Variants in LPP observed in about 807,000 individuals in gnomAD.
The protein encoded by LPP is LIM domain containing preferred translocation partner in lipoma, also known as lipoma-preferred partner.
In LPP, 38 loss-of-function variants were observed where a neutral mutation model predicts 60.4. The observed-to-expected ratio is 0.63, with a 90% CI of 0.49 to 0.83. LPP has a LOEUF of 0.83. LPP is among the 40% of genes least tolerant of loss of function. The pLI is 0.00. For synonymous variants in LPP, 328 were observed against 290.8 expected (o/e 1.13, Z -1.30); for missense variants, 902 against 783.6 (o/e 1.15, Z -1.80).
chr3:188,363,677 C>T (rs528694463), intron 3 of LPP, among the ~76,000 whole-genome samples: 14 of 152,102 alleles, frequency 9.2e-5, no homozygotes, highest in South Asian at 6.2e-4. Context: ...GAGGCCAAGG[C>T]GGGCAGATCA....
At chr3:188,499,458 G>T (rs970365722) in intron 5 of LPP, among the ~76,000 whole-genome samples, 1 of 152,066 alleles carries the variant, frequency 6.6e-6, no homozygotes, top group Admixed American at 6.5e-5. Flanking sequence ...TTTATTTCTG[G>T]ACTGTCTCTT....
rs2149803087 is a variant in LPP, at chr3:188,272,266, C to T, written c.-67+46739C>T. 3.9e-5 allele frequency among the ~76,000 whole-genome samples: 6 copies of T among 152,300 alleles called. No homozygotes were observed. In the Middle Eastern group the frequency reaches 0.017, roughly 432 times the overall value. On this transcript the variant is annotated intron_variant, in intron 2 of 11. Coordinates refer to ENST00000617246, the MANE Select transcript of LPP (RefSeq NM_001375462.1). ...TTAAAAGCATGAATTTAATATATTT[C>T]CAGATTGTCTGTTTATGTTTCCTAT...
intron 9 of LPP, among the ~76,000 whole-genome samples, chr3:188,833,448 G>C (rs1027161821): frequency 1.3e-5 from 2 of 152,180 alleles, no homozygotes; most frequent in Non-Finnish European, 2.9e-5. Flanking sequence ...CCTTTCTGCA[G>C]GTGGAGCGTT....
At chr3:188,869,992 C>G (rs1326675477) in intron 10 of LPP, among the ~76,000 whole-genome samples, 1 of 152,148 alleles carries the variant, frequency 6.6e-6, no homozygotes, top group Admixed American at 6.5e-5. Flanking sequence ...AACTCAATTA[C>G]CGTTTCCTGG....
intron 7 of LPP, among the ~76,000 whole-genome samples, chr3:188,635,530 G>C (rs1848569154): frequency 6.6e-6 from 1 of 152,176 alleles, no homozygotes; most frequent in African/African-American, 2.4e-5. Context: ...ACGTGTGTGT[G>C]CAAGGGAAAT....
chr3:188,589,122 A>G (rs1274343741), intron 6 of LPP, among the ~76,000 whole-genome samples: 1 of 151,822 alleles, frequency 6.6e-6, no homozygotes, highest in Admixed American at 6.6e-5. Flanking sequence ...GTGTTTTTTT[A>G]TATCTATATA....
intron 9 of LPP, among the ~76,000 whole-genome samples, chr3:188,795,192 A>G (rs1274803476): frequency 6.6e-6 from 1 of 152,202 alleles, no homozygotes; most frequent in Non-Finnish European, 1.5e-5. Context: ...ATCTACCTTT[A>G]TGTTTTTACC....
rs184257327 is a variant in LPP at position 188,524,809 on chromosome 3, C to A, written c.429+22C>A. On this transcript the variant is annotated intron_variant, in intron 6 of 11. Transcript: ENST00000617246. Reference sequence around the variant, plus strand: ...ACAGGTTAGTGCAGCCCACAATCATCTCCACACAGCCATTCCCAGATATTC... The same window carrying A: ...ACAGGTTAGTGCAGCCCACAATCATATCCACACAGCCATTCCCAGATATTC... 6.4e-5 allele frequency: 103 copies of A among 1,606,638 alleles called. No individual in the cohort carries two copies. In the Middle Eastern group the frequency reaches 2.0e-3, roughly 31 times the overall value.
At chr3:188,721,219 T>C (rs1051037370) in intron 8 of LPP, among the ~76,000 whole-genome samples, 3 of 152,148 alleles carry the variant, frequency 2.0e-5, no homozygotes, top group African/African-American at 7.2e-5. Context: ...AAGTTGCTTC[T>C]TTCCTGTAAA....
intron 9 of LPP, among the ~76,000 whole-genome samples, chr3:188,760,976 CTACT>C (rs924832725): frequency 1.3e-5 from 2 of 152,150 alleles, no homozygotes; most frequent in African/African-American, 4.8e-5. Context: ...TTTTACAATG[CTACT>C]TACTTAATCT....
intron 2 of LPP, among the ~76,000 whole-genome samples, chr3:188,330,945 A>G (rs1026363032): frequency 2.6e-5 from 4 of 152,090 alleles, no homozygotes; most frequent in Non-Finnish European, 4.4e-5. Flanking sequence ...TTTTTCCCAC[A>G]AAACTGATGT....
intron 5 of LPP, among the ~76,000 whole-genome samples, chr3:188,512,033 C>G (rs1025677466): frequency 2.0e-5 from 3 of 152,134 alleles, no homozygotes; most frequent in African/African-American, 7.2e-5. Context: ...TACTTCAGCC[C>G]CTTCACTATA....
intron 3 of LPP, among the ~76,000 whole-genome samples, chr3:188,394,157 A>G (rs923552095): frequency 6.6e-6 from 1 of 152,222 alleles, no homozygotes; most frequent in African/African-American, 2.4e-5. Flanking sequence ...GAGGGGAAGA[A>G]CTAGACTGAT....
At chr3:188,535,108 C>T (rs1041887471) in intron 6 of LPP, among the ~76,000 whole-genome samples, 14 of 150,572 alleles carry the variant, frequency 9.3e-5, no homozygotes, top group African/African-American at 2.5e-4. Flanking sequence ...TTTACAAATG[C>T]GGACAGAACC....
At chr3:188,500,248 G>A (rs1420770035) in intron 5 of LPP, among the ~76,000 whole-genome samples, 1 of 151,758 alleles carries the variant, frequency 6.6e-6, no homozygotes, top group African/African-American at 2.4e-5. Flanking sequence ...TGTGGCTTTT[G>A]CTATGTTGAG....
chr3:188,449,950 G>A (rs968752547), intron 4 of LPP, among the ~76,000 whole-genome samples: 21 of 151,892 alleles, frequency 1.4e-4, no homozygotes, highest in Admixed American at 4.6e-4. Flanking sequence ...GATTACAGGC[G>A]TGCACCACCA....
rs1852834239 is a variant in LPP at position 188,654,900 on chromosome 3, A to C, written c.1113+45056A>C. Among the ~76,000 whole-genome samples the C allele has an allele frequency of 4.6e-5, 7 of 152,354 alleles. No homozygotes were observed. In the South Asian group the frequency reaches 1.5e-3, roughly 32 times the overall value. On this transcript the variant is annotated intron_variant, in intron 7 of 11. Transcript: ENST00000617246. Reference sequence around the variant, plus strand: ...CAGCAGGAAGGAAACAATCCTAATCATACTAATACCAATGGAATATTGTAG... The same window carrying C: ...CAGCAGGAAGGAAACAATCCTAATCCTACTAATACCAATGGAATATTGTAG...
At chr3:188,177,783 C>T (rs577885458) in intron 1 of LPP, among the ~76,000 whole-genome samples, 23 of 152,110 alleles carry the variant, frequency 1.5e-4, no homozygotes, top group Non-Finnish European at 2.9e-4. Flanking sequence ...TACAGGGAAA[C>T]ACCAAAGAGC....
intron 2 of LPP, among the ~76,000 whole-genome samples, chr3:188,231,136 CA>C (rs1719800958): frequency 6.6e-6 from 1 of 152,186 alleles, no homozygotes; most frequent in Non-Finnish European, 1.5e-5. Flanking sequence ...CTGGAGGTGA[CA>C]CACTGTTCCC....
Sources: gnomAD v4.1 joint callset for allele counts (sites outside exome capture counted in the v4.1 genomes callset) on GRCh38, gnomAD v4.1.1 for gene constraint, MANE v1.5 for transcripts, NCBI Gene and HGNC (gene_info 2026-07-23, HGNC 2026-07-21) for gene names.